The following MFSD8 variants were observed in gnomAD, a reference collection of about 807,000 sequenced individuals.
MFSD8 encodes major facilitator superfamily domain containing 8.
MFSD8 carries 55 observed loss-of-function variants against 66.4 expected under a neutral mutation model. The observed-to-expected ratio is 0.83, with a 90% CI of 0.67 to 1.04. The LOEUF is 1.04. MFSD8 is among the 50% of genes least tolerant of loss of function. The probability of loss-of-function intolerance (pLI) is 0.00; values close to 1 mark genes in which losing one functional copy is unlikely to be tolerated. For missense variants in MFSD8, 550 were observed against 627.6 expected (o/e 0.88, Z 1.32); for synonymous variants, 202 against 212.8 (o/e 0.95, Z 0.44).
chr4:127,937,549 T>C (rs1047576576), intron 7 of MFSD8, among the ~76,000 whole-genome samples: 6 of 152,222 alleles, frequency 3.9e-5, no homozygotes, highest in African/African-American at 1.4e-4. Flanking sequence ...CACAATGTTC[T>C]CTTAAAAAGA....
chr4:127,953,965 G>A lies in MFSD8; in HGVS notation c.154+3536C>T, dbSNP rs1742461720. Among the ~76,000 whole-genome samples the A allele has an allele frequency of 2.6e-5, 4 of 152,254 alleles. No individual in the cohort carries two copies. The South Asian group carries it at 8.3e-4, about 32-fold the overall frequency. On this transcript the variant is annotated intron_variant, in intron 2 of 11. Coordinates refer to ENST00000641686, the MANE Select transcript of MFSD8 (RefSeq NM_001371596.2). ...AAAATATATGGAAAATATATGGAAA[G>A]CAATTTAGTAAAATGACCTTCCTTA...
chr4:127,963,859 G>C (rs1204060533), intron 1 of MFSD8, among the ~76,000 whole-genome samples: 1 of 152,122 alleles, frequency 6.6e-6, no homozygotes, highest in East Asian at 1.9e-4. Context: ...TGGTAGAGCC[G>C]AGTAGTCTGT....
intron 2 of MFSD8, among the ~76,000 whole-genome samples, chr4:127,956,498 T>A (rs564988876): frequency 3.0e-4 from 43 of 143,054 alleles, no homozygotes; most frequent in African/African-American, 1.1e-3. Flanking sequence ...AAACTCCGTC[T>A]TGAAAAAAAA....
At chr4:127,946,144 T>G (rs1360686716) in intron 3 of MFSD8, among the ~76,000 whole-genome samples, 5 of 152,070 alleles carry the variant, frequency 3.3e-5, no homozygotes, top group Admixed American at 1.3e-4. Context: ...AGGCTGGTCT[T>G]GAACTCTTGG....
At position 127,943,891 on chromosome 4, in the gene MFSD8, A is replaced by G. The variant is rs754739634; in HGVS notation, c.300T>C (p.Tyr100=). Residue 100 remains tyrosine (Y), a synonymous_variant, in exon 4 of 12, where the codon TAT becomes TAC. Transcript: ENST00000641686. ...CAATAAGAGGCTCTTTTCTTGGTCT[A>G]TAATTAGACCATAAACCAAATATAG... ...ASPIFGLWSN[Y]RPRKEPLIVS... is the part of the protein sequence containing the mutation. The G allele has an allele frequency of 6.2e-7, 1 of 1,614,052 alleles. No individual in the cohort carries two copies. Among genetic ancestry groups the G allele is most frequent in the African/African-American group, 1.3e-5 (1 of 74,930 alleles).
intron 2 of MFSD8, among the ~76,000 whole-genome samples, chr4:127,950,210 T>C (rs1019790596): frequency 6.6e-6 from 1 of 152,188 alleles, no homozygotes; most frequent in African/African-American, 2.4e-5. Flanking sequence ...CTATCCTGTG[T>C]TGTTTGGAGG....
At chr4:127,955,296 A>G (rs1742658499) in intron 2 of MFSD8, among the ~76,000 whole-genome samples, 1 of 152,180 alleles carries the variant, frequency 6.6e-6, no homozygotes, top group Admixed American at 6.5e-5. Flanking sequence ...TAATCCTAGC[A>G]CTTTGGGAGG....
chr4:127,948,633 A>G (rs771583798), intron 3 of MFSD8, among the ~76,000 whole-genome samples: 1 of 152,230 alleles, frequency 6.6e-6, no homozygotes, highest in Non-Finnish European at 1.5e-5. Flanking sequence ...ACCTGTACAG[A>G]CACAGATCTG....
chr4:127,964,777 A>G (rs1036663432), intron 1 of MFSD8: 64 of 546,684 alleles, frequency 1.2e-4, no homozygotes, highest in African/African-American at 1.1e-3. Flanking sequence ...GGCTGTGAGG[A>G]CTGCCAGCAC....
chr4:127,942,009 TTCAAATTCAA>T, intron 5 of MFSD8, 26 bp downstream of exon 5: 1 of 1,523,622 alleles, frequency 6.6e-7, no homozygotes, highest in Non-Finnish European at 9.1e-7. Flanking sequence ...GTTTTCCCAA[TTCAAATTCAA>T]GTAATGACAT....
chr4:127,962,939 T>A (rs1335859160), intron 1 of MFSD8, among the ~76,000 whole-genome samples: 1 of 152,042 alleles, frequency 6.6e-6, no homozygotes, highest in Non-Finnish European at 1.5e-5. Flanking sequence ...AACAAATGAG[T>A]AAAAATTATT....
chr4:127,957,468 G>A lies in MFSD8; in HGVS notation c.154+33C>T, dbSNP rs758424180. The A allele has an allele frequency of 5.0e-6, 7 of 1,402,296 alleles. No homozygotes were observed. In the African/African-American group the frequency reaches 5.7e-5, roughly 11 times the overall value. The allele number at this position is 1,402,296 out of a possible 1,614,324, so 86.9% of individuals were successfully genotyped here. A position where few individuals can be genotyped will look rare whatever the true frequency, so the allele number is the denominator to read the frequency against. On this transcript the variant is annotated intron_variant, in intron 2 of 11. Transcript: ENST00000641686. ...GAAGTTAAAATATGACATCTGATCT[G>A]AATTGTTAAAATTATGTATTTCTAA...
chr4:127,920,714 T>C lies in MFSD8; in HGVS notation c.1473A>G (p.Ile491Met). 6.2e-7 allele frequency: 1 copy of C among 1,614,094 alleles called. No individual in the cohort carries two copies. Among genetic ancestry groups the C allele is most frequent in the African/African-American group, 1.3e-5 (1 of 75,010 alleles). Residue 491 changes from isoleucine (I) to methionine (M), a missense_variant, in exon 12 of 12, where the codon ATA (isoleucine) becomes ATG (methionine). Transcript: ENST00000641686. Reference sequence around the variant, plus strand: ...CCAGGAGGGTGATGGTGAGCACTATTATTCCACACACCAGGCTGAATGCCC... The same window carrying C: ...CCAGGAGGGTGATGGTGAGCACTATCATTCCACACACCAGGCTGAATGCCC... ...PRWAFSLVCGIIVLTITLLGV... is the reference protein window; with the variant it reads ...PRWAFSLVCGMIVLTITLLGV...
At chr4:127,934,378 C>A (rs1738676486) in intron 7 of MFSD8, among the ~76,000 whole-genome samples, 1 of 151,982 alleles carries the variant, frequency 6.6e-6, no homozygotes, top group Non-Finnish European at 1.5e-5. Context: ...ATAAGGAGGA[C>A]AAAGTAAGTG....
At chr4:127,942,291 C>A in intron 4 of MFSD8, 133 bp from the exon 5 acceptor site, 1 of 703,612 alleles carries the variant, frequency 1.4e-6, no homozygotes, top group Non-Finnish European at 2.6e-6. Context: ...TTTATGATCA[C>A]ACAAAGCATG....
chr4:127,945,550 T>C (rs1279340591), intron 3 of MFSD8: 2 of 152,086 alleles, frequency 1.3e-5, no homozygotes, highest in African/African-American at 4.8e-5. Flanking sequence ...ATCTCTTAAC[T>C]CCTGACCTCA....
In MFSD8 at chr4:127,919,688, A is replaced by C. The variant is rs2148834906; in HGVS notation, c.*942T>G. 1 of 152,224 alleles carries C rather than the reference A, an allele frequency of 6.6e-6. No individual in the cohort carries two copies. The highest frequency in any genetic ancestry group is 2.4e-5 in the African/African-American group (1 of 41,552). The allele number at this position is 152,224 out of a possible 1,614,324, so 9.4% of individuals were successfully genotyped here. ...GCTCTACACAACTATGCAGACATAG[A>C]TTGAAAACTGTTGTGTTCCTCCCCG... On this transcript the variant is annotated 3_prime_UTR_variant, in exon 12 of 12. Coordinates refer to ENST00000641686, the MANE Select transcript of MFSD8 (RefSeq NM_001371596.2).
chr4:127,947,884 ACACACACACACACACT>A (rs1285004589), intron 3 of MFSD8, among the ~76,000 whole-genome samples: 4 of 149,154 alleles, frequency 2.7e-5, no homozygotes, highest in South Asian at 2.1e-4. Flanking sequence ...ACACACACAC[ACACACACACACACACT>A]CTCTCTCCAA....
rs190162771 is a variant in MFSD8, at chr4:127,932,647, T to C, written c.863+338A>G. 0.015 allele frequency: 2,878 copies of C among 193,902 alleles called. 60 individuals carry two copies. Among genetic ancestry groups the C allele is most frequent in the Middle Eastern group, 0.096 (42 of 438 alleles). 12.0% of individuals were successfully genotyped at this position (193,902 alleles called of 1,614,324 possible). A position where few individuals can be genotyped will look rare whatever the true frequency, so the allele number is the denominator to read the frequency against. ...ATTACCAGATTGAATCATATATATA[T>C]ATACATATATGTAGGAAATTATAGA... is the stretch of plus-strand genomic sequence containing the variant. On this transcript the variant is annotated intron_variant, in intron 8 of 11. Coordinates refer to ENST00000641686, the MANE Select transcript of MFSD8 (RefSeq NM_001371596.2).
Sources: allele counts gnomAD v4.1 joint callset (sites outside exome capture counted in the v4.1 genomes callset), GRCh38; gene constraint gnomAD v4.1.1; transcripts MANE v1.5; gene names NCBI Gene and HGNC (gene_info 2026-07-23, HGNC 2026-07-21).